Variants in SERF2 observed in about 807,000 individuals in gnomAD.
SERF2 encodes gastric cancer-related protein VRG107.
Under a neutral mutation model 10.7 loss-of-function variants are expected in SERF2, and 4 were observed. The ratio of observed to expected loss-of-function variants is 0.37; its 90% CI spans 0.18 to 0.86. SERF2 has a LOEUF of 0.86. SERF2 is among the 40% of genes least tolerant of loss of function. The pLI is 0.43. For missense variants in SERF2, 47 were observed against 79.1 expected, an observed-to-expected ratio of 0.59 and a Z score of 1.54; for synonymous variants, 26 against 26.0, an observed-to-expected ratio of 1.00 and a Z score of 0.01.
chr15:43,779,240 C>T (rs1045159803), intron 1 of SERF2, among the ~76,000 whole-genome samples: 1 of 152,042 alleles, frequency 6.6e-6, no homozygotes, highest in Non-Finnish European at 1.5e-5. Context: ...TTTCTGATTG[C>T]TTCCATTTTT....
At position 43,795,046 on chromosome 15, in the gene SERF2, C is replaced by T. The variant is rs149013820; in HGVS notation, c.*1273C>T. ...ATCTGGGGATATGATGCGGTGGCGGCGGCGCCTCAAGATAAGGGGCTGGGG... is the reference window on the plus strand; with the variant it reads ...ATCTGGGGATATGATGCGGTGGCGGTGGCGCCTCAAGATAAGGGGCTGGGG... On this transcript the variant is annotated 3_prime_UTR_variant, in exon 3 of 3. Transcript: ENST00000249786. 1.2e-4 allele frequency: 187 copies of T among 1,610,560 alleles called. No homozygotes were observed. Among genetic ancestry groups the T allele is most frequent in the Admixed American group, 3.2e-4 (19 of 59,890 alleles).
At position 43,795,416 on chromosome 15, in the gene SERF2, CAT is replaced by C. The variant is rs1567170476; in HGVS notation, c.*1645_*1646del. The stretch of plus-strand genomic sequence containing the variant: ...AACCAGTTGGTAAGGGTAACCATGA[CAT>C]AGAGTGAGGCAAGGAAGAAGACGAA... On this transcript the variant is annotated 3_prime_UTR_variant, in exon 3 of 3. Transcript: ENST00000249786. The C allele has an allele frequency of 6.2e-7, 1 of 1,614,158 alleles. No individual in the cohort carries two copies. Among genetic ancestry groups the C allele is most frequent in the Non-Finnish European group, 8.5e-7 (1 of 1,180,036 alleles).
chr15:43,781,754 G>T (rs776751932), intron 1 of SERF2, among the ~76,000 whole-genome samples: 1 of 151,318 alleles, frequency 6.6e-6, no homozygotes, highest in Admixed American at 6.6e-5. Context: ...GCTGATTTTT[G>T]TATTTTCAAT....
chr15:43,777,198 C>T lies in SERF2; in HGVS notation c.-831C>T, dbSNP rs1227148698. The T allele has an allele frequency of 5.2e-6, 3 of 582,160 alleles. No homozygotes were observed. The East Asian group carries it at 1.2e-4, about 24-fold the overall frequency. The allele number at this position is 582,160 out of a possible 1,614,324, so 36.1% of individuals were successfully genotyped here. Reference sequence around the variant, plus strand: ...CCCAGTTCTCGGGAGAAAGAGTCCGCGACCAGCGTCTGACCTCTCACTCAG... The same window carrying T: ...CCCAGTTCTCGGGAGAAAGAGTCCGTGACCAGCGTCTGACCTCTCACTCAG... On this transcript the variant is annotated 5_prime_UTR_variant, in exon 1 of 5. Transcript: ENST00000381359.
At chr15:43,790,459 C>T (rs1219323448), upstream of SERF2, among the ~76,000 whole-genome samples, 1 of 152,024 alleles carries the variant, frequency 6.6e-6, no homozygotes, top group Non-Finnish European at 1.5e-5. Context: ...ATATGCTGTG[C>T]TCATCAAGAT....
At chr15:43,778,190 C>T (rs2086936358) in intron 1 of SERF2, 1 of 151,978 alleles carries the variant, frequency 6.6e-6, no homozygotes, top group Non-Finnish European at 1.5e-5. Context: ...GTTTTGATCT[C>T]CTGACCTCGT....
At chr15:43,785,381 T>C (rs1045175251) in intron 1 of SERF2, 1 of 151,952 alleles carries the variant, frequency 6.6e-6, no homozygotes, top group African/African-American at 2.4e-5. Context: ...AATGTTTCTT[T>C]CTTTCTTTTA....
intron 2 of SERF2, among the ~76,000 whole-genome samples, chr15:43,785,704 CT>C (rs71415810): frequency 0.016 from 2,015 of 122,660 alleles, 36 homozygotes; most frequent in African/African-American, 0.059. Flanking sequence ...TTTTCTTTTT[CT>C]TTTTTTTTTT....
At chr15:43,782,179 A>G in intron 1 of SERF2, among the ~76,000 whole-genome samples, 1 of 152,172 alleles carries the variant, frequency 6.6e-6, no homozygotes, top group Admixed American at 6.5e-5. Context: ...GTGAGCCACC[A>G]TGCCCGACCC....
chr15:43,792,353 C>T lies in SERF2; in HGVS notation c.-24C>T. 6 of 1,583,882 alleles carry T rather than the reference C, an allele frequency of 3.8e-6. No individual in the cohort carries two copies. Among genetic ancestry groups the T allele is most frequent in the South Asian group, 1.1e-5 (1 of 90,498 alleles). Reference sequence around the variant, plus strand: ...ACAGAACGAGGGGACGTAACGGAGGCAGGTTGGAGCCGCTGCCGTCGCCAT... The same window carrying T: ...ACAGAACGAGGGGACGTAACGGAGGTAGGTTGGAGCCGCTGCCGTCGCCAT... On this transcript the variant is annotated 5_prime_UTR_variant, in exon 1 of 3. Coordinates refer to ENST00000249786, the MANE Select transcript of SERF2 (RefSeq NM_001018108.4).
intron 1 of SERF2, among the ~76,000 whole-genome samples, chr15:43,783,449 C>T (rs752993365): frequency 3.9e-5 from 6 of 152,074 alleles, no homozygotes; most frequent in Non-Finnish European, 7.3e-5. Flanking sequence ...AGGCATGTGC[C>T]ACCACGCCTG....
At chr15:43,783,908 G>A (rs2086984076) in intron 1 of SERF2, among the ~76,000 whole-genome samples, 1 of 148,606 alleles carries the variant, frequency 6.7e-6, no homozygotes, top group South Asian at 2.2e-4. Context: ...ACTACAAGCG[G>A]GTGCCACCAC....
chr15:43,781,561 G>T (rs917010672), intron 1 of SERF2, among the ~76,000 whole-genome samples: 5 of 144,874 alleles, frequency 3.5e-5, no homozygotes, highest in African/African-American at 1.3e-4. Context: ...AACAACAAAA[G>T]AAAAACTTAT....
In SERF2 at chr15:43,794,839, T is replaced by C. The variant is rs2087164711; in HGVS notation, c.*1066T>C. ...GAGTCAGACACTCTGCCCAGCACATTAGACTGTGTTTGACCACTTCTTCCA... is the reference window on the plus strand; with the variant it reads ...GAGTCAGACACTCTGCCCAGCACATCAGACTGTGTTTGACCACTTCTTCCA... On this transcript the variant is annotated 3_prime_UTR_variant, in exon 3 of 3. Transcript: ENST00000249786. 8.0e-6 allele frequency: 5 copies of C among 624,928 alleles called. No homozygotes were observed. Among genetic ancestry groups the C allele is most frequent in the East Asian group, 8.0e-5 (3 of 37,604 alleles). 38.7% of individuals were successfully genotyped at this position (624,928 alleles called of 1,614,324 possible).
upstream of SERF2, among the ~76,000 whole-genome samples, chr15:43,789,078 G>C (rs2087031308): frequency 6.6e-6 from 1 of 151,862 alleles, no homozygotes; most frequent in Non-Finnish European, 1.5e-5. Context: ...GAACCCGGGA[G>C]GCGGAGCTTG....
At chr15:43,782,754 C>T (rs757445461) in intron 1 of SERF2, among the ~76,000 whole-genome samples, 31 of 152,130 alleles carry the variant, frequency 2.0e-4, no homozygotes, top group Admixed American at 9.8e-4. Context: ...GGTGCAAAGC[C>T]TCAAAGGATT....
rs778487274 is a variant in SERF2 at position 43,793,901 on chromosome 15, C to T, written c.*128C>T. On this transcript the variant is annotated 3_prime_UTR_variant, in exon 3 of 3. Coordinates refer to ENST00000249786, the MANE Select transcript of SERF2 (RefSeq NM_001018108.4). ...CGATGGCATTCCCTTTGCCCTGAGT[C>T]TGCAGCGGGTCCCTTTTGTGCTTCC... 2.7e-5 allele frequency: 43 copies of T among 1,589,472 alleles called. 1 individual carries two copies. In the South Asian group the frequency reaches 4.8e-4, roughly 18 times the overall value.
rs74494149 is a variant in SERF2 at position 43,795,540 on chromosome 15, C to A, written c.*1767C>A. On this transcript the variant is annotated 3_prime_UTR_variant, in exon 3 of 3. Transcript: ENST00000249786. The stretch of plus-strand genomic sequence containing the variant: ...CTGGCCTCGCAGCCCCACCCCTTTG[C>A]CCTGGAGAGAGGAAATGGCTGCTGG... The A allele has an allele frequency of 2.2e-5, 36 of 1,614,110 alleles. No individual in the cohort carries two copies. In the South Asian group the frequency reaches 3.7e-4, roughly 17 times the overall value.
chr15:43,791,533 C>G (rs1333976190), upstream of SERF2, among the ~76,000 whole-genome samples: 2 of 152,370 alleles, frequency 1.3e-5, no homozygotes, highest in Non-Finnish European at 2.9e-5. Context: ...CCACGCCCGG[C>G]CCTCCAGGGT....
Sources: allele counts gnomAD v4.1 joint callset (sites outside exome capture counted in the v4.1 genomes callset), GRCh38; gene constraint gnomAD v4.1.1; transcripts MANE v1.5; gene names NCBI Gene and HGNC (gene_info 2026-07-23, HGNC 2026-07-21).